Variants in PHACTR3 observed in about 807,000 individuals in gnomAD.
PHACTR3 encodes the protein phosphatase and actin regulator 3, also known as protein phosphatase 1, regulatory subunit 123.
PHACTR3 carries 16 observed loss-of-function variants against 66.8 expected under a neutral mutation model. The ratio of observed to expected loss-of-function variants is 0.24; its 90% CI spans 0.16 to 0.36. The LOEUF (loss-of-function observed/expected upper bound fraction) is 0.36, where lower values mean the gene tolerates loss of function less well. Among genes scored for constraint, PHACTR3 ranks in the 10% least tolerant of loss-of-function variants. The pLI, the probability that PHACTR3 is intolerant of heterozygous loss-of-function variation, is 1.00. For synonymous variants in PHACTR3, 323 were observed against 292.1 expected, an observed-to-expected ratio of 1.11 and a Z score of -1.08; for missense variants, 647 against 719.9, an observed-to-expected ratio of 0.90 and a Z score of 1.16.
At chr20:59,828,250 G>T (rs1235400552) in intron 8 of PHACTR3, among the ~76,000 whole-genome samples, 1 of 152,162 alleles carries the variant, frequency 6.6e-6, no homozygotes, top group African/African-American at 2.4e-5. Context: ...ACCTTGCTTT[G>T]TCCAGAGCTT....
intron 1 of PHACTR3, among the ~76,000 whole-genome samples, chr20:59,581,010 T>C (rs1228748863): frequency 6.6e-6 from 1 of 152,222 alleles, no homozygotes; most frequent in Non-Finnish European, 1.5e-5. Flanking sequence ...TGGGGAGGAC[T>C]GGACGGCTGA....
At chr20:59,724,736 G>C (rs1424956725) in intron 1 of PHACTR3, among the ~76,000 whole-genome samples, 3 of 152,178 alleles carry the variant, frequency 2.0e-5, no homozygotes, top group Admixed American at 2.0e-4. Context: ...TCCAGTTCCA[G>C]TACACGCTCT....
At chr20:59,778,966 G>T (rs909134059) in intron 7 of PHACTR3, among the ~76,000 whole-genome samples, 4 of 152,208 alleles carry the variant, frequency 2.6e-5, no homozygotes, top group South Asian at 2.1e-4. Flanking sequence ...CAGGCCCACC[G>T]CTGTCTGCAC....
rs1247034605 is a variant in PHACTR3 at position 59,830,972 on chromosome 20, A to G, written c.1329-5533A>G. On this transcript the variant is annotated intron_variant, in intron 8 of 12. Coordinates refer to ENST00000371015, the MANE Select transcript of PHACTR3 (RefSeq NM_080672.5). This position sits in a 1 kb window ranked among gnomAD's most constrained non-coding sequence, Gnocchi z 5.8. Reference sequence around the variant, plus strand: ...TCCTGGAGCCTCTCCAGGCGTCCTGACTGTCCAGGCTGTCGGCGGTCTCAT... The same window carrying G: ...TCCTGGAGCCTCTCCAGGCGTCCTGGCTGTCCAGGCTGTCGGCGGTCTCAT... Among the ~76,000 whole-genome samples the G allele has an allele frequency of 6.6e-6, 1 of 152,002 alleles. No individual in the cohort carries two copies. The highest frequency in any genetic ancestry group is 1.5e-5 in the Non-Finnish European group (1 of 67,968).
intron 1 of PHACTR3, among the ~76,000 whole-genome samples, chr20:59,579,206 G>T (rs558906691): frequency 1.3e-5 from 2 of 152,364 alleles, no homozygotes; most frequent in Middle Eastern, 6.8e-3. Flanking sequence ...TGTTCTGCCT[G>T]CAGTAATTAC....
chr20:59,767,206 A>G lies in PHACTR3; in HGVS notation c.562A>G (p.Ser188Gly), dbSNP rs1267381818. 6.2e-7 allele frequency: 1 copy of G among 1,614,222 alleles called. No individual in the cohort carries two copies. Among genetic ancestry groups the G allele is most frequent in the Non-Finnish European group, 8.5e-7 (1 of 1,180,030 alleles). The change falls in exon 5 of 13, where the codon AGT (serine) becomes GGT (glycine). Residue 188 changes from serine to glycine, a missense_variant. Physicochemically the swap from Ser to Gly is moderately conservative, Grantham distance 56. Coordinates refer to ENST00000371015, the MANE Select transcript of PHACTR3 (RefSeq NM_080672.5). ...DDAAKMPSAS[S>G]GEEADAGSLL... ...ACCAGCCAAGATGCCTTCTGCATCC[A>G]GTGGTGAAGAAGCAGACGCTGGCAG... is the stretch of plus-strand genomic sequence containing the variant.
chr20:59,689,744 T>C (rs960622019), intron 1 of PHACTR3, among the ~76,000 whole-genome samples: 3 of 152,156 alleles, frequency 2.0e-5, no homozygotes, highest in Non-Finnish European at 4.4e-5. Flanking sequence ...ACCTAGCTAC[T>C]GAAGCCAGAA....
At chr20:59,807,099 A>G (rs555643285) in intron 8 of PHACTR3, among the ~76,000 whole-genome samples, 6 of 152,358 alleles carry the variant, frequency 3.9e-5, no homozygotes, top group African/African-American at 1.4e-4. Flanking sequence ...ATCACTGCAC[A>G]CTTAGGCTAC....
chr20:59,589,936 G>A (rs551245252), intron 1 of PHACTR3, among the ~76,000 whole-genome samples: 2 of 152,224 alleles, frequency 1.3e-5, no homozygotes, highest in Admixed American at 1.3e-4. Context: ...AGCATTTTGA[G>A]TAGGGAGCTC....
rs375238535 is a variant in PHACTR3, at chr20:59,755,054, G to A, written c.359-128G>A. 4.2e-3 allele frequency: 3,785 copies of A among 893,888 alleles called. 20 individuals are homozygous for A. The highest frequency in any genetic ancestry group is 5.9e-3 in the South Asian group (342 of 58,322). 55.4% of individuals were successfully genotyped at this position (893,888 alleles called of 1,614,324 possible). A position where few individuals can be genotyped will look rare whatever the true frequency, so the allele number is the denominator to read the frequency against. On this transcript the variant is annotated intron_variant, in intron 3 of 12. Coordinates refer to ENST00000371015, the MANE Select transcript of PHACTR3 (RefSeq NM_080672.5). ...TGGAGAGGGACTCCTAGGGTGTGTG[G>A]TGAGGGGGAGAGGGGTGGGGGACCA...
upstream of PHACTR3, among the ~76,000 whole-genome samples, chr20:59,602,493 A>C (rs1171700629): frequency 1.3e-5 from 2 of 152,004 alleles, no homozygotes; most frequent in Admixed American, 6.5e-5. Context: ...GTTTAAGTGC[A>C]AAGAGTTGAT....
At chr20:59,655,181 A>T (rs1243328880) in intron 1 of PHACTR3, among the ~76,000 whole-genome samples, 1 of 152,088 alleles carries the variant, frequency 6.6e-6, no homozygotes, top group African/African-American at 2.4e-5. Context: ...GTTGCTTCAC[A>T]CCTTTTTCAA....
chr20:59,814,698 T>G (rs1365823091), intron 8 of PHACTR3, among the ~76,000 whole-genome samples: 1 of 152,146 alleles, frequency 6.6e-6, no homozygotes, highest in African/African-American at 2.4e-5. Context: ...GGAGTGGTTG[T>G]TTTTCACTGA....
chr20:59,659,369 A>ACT (rs2035735216), intron 1 of PHACTR3, among the ~76,000 whole-genome samples: 2 of 91,114 alleles, frequency 2.2e-5, no homozygotes, highest in African/African-American at 9.9e-5. Flanking sequence ...TGGGTCTGGG[A>ACT]CTTTTTTTTT....
intron 1 of PHACTR3, among the ~76,000 whole-genome samples, chr20:59,718,080 G>T (rs2038160435): frequency 6.6e-6 from 1 of 152,154 alleles, no homozygotes; most frequent in Non-Finnish European, 1.5e-5. Flanking sequence ...GTGGTCAAGG[G>T]CAAAAAGATT....
At chr20:59,741,722 GC>G (rs1291345338) in intron 1 of PHACTR3, among the ~76,000 whole-genome samples, 1 of 150,954 alleles carries the variant, frequency 6.6e-6, no homozygotes, top group Non-Finnish European at 1.5e-5. Context: ...TCCCCCGCCT[GC>G]CAACAGCCAG....
chr20:59,651,650 C>T (rs2035462248), intron 1 of PHACTR3, among the ~76,000 whole-genome samples: 1 of 152,188 alleles, frequency 6.6e-6, no homozygotes. Context: ...AAACAATGCA[C>T]ATATCACGAA....
At chr20:59,648,243 G>A (rs1173544434) in intron 1 of PHACTR3, among the ~76,000 whole-genome samples, 1 of 152,150 alleles carries the variant, frequency 6.6e-6, no homozygotes, top group Non-Finnish European at 1.5e-5. Flanking sequence ...GGCCTGCTGT[G>A]AGGCCACATT....
At chr20:59,805,012 G>T (rs2041522454) in intron 7 of PHACTR3, among the ~76,000 whole-genome samples, 1 of 152,156 alleles carries the variant, frequency 6.6e-6, no homozygotes, top group South Asian at 2.1e-4. Context: ...CTGCAAAACT[G>T]CAACCTACAT....
Sources: allele counts gnomAD v4.1 joint callset (sites outside exome capture counted in the v4.1 genomes callset), GRCh38; gene constraint gnomAD v4.1.1; non-coding constraint Gnocchi (gnomAD v3.1); transcripts MANE v1.5; gene names NCBI Gene and HGNC (gene_info 2026-07-23, HGNC 2026-07-21).